The following TENT2 variants were observed in gnomAD, a reference collection of about 807,000 sequenced individuals.
TENT2 encodes terminal nucleotidyltransferase 2.
Under a neutral mutation model 72.2 loss-of-function variants are expected in TENT2, and 44 were observed. The observed-to-expected ratio is 0.61, with a 90% confidence interval of 0.48 to 0.78. The LOEUF is 0.78. Among genes scored for constraint, TENT2 ranks in the 30% least tolerant of loss-of-function variants. The probability of loss-of-function intolerance (pLI) is 0.00; values close to 1 mark genes in which losing one functional copy is unlikely to be tolerated. For missense variants in TENT2, 541 were observed against 569.6 expected, an observed-to-expected ratio of 0.95 and a Z score of 0.51; for synonymous variants, 212 against 192.5, an observed-to-expected ratio of 1.10 and a Z score of -0.84.
At chr5:79,633,079 A>C (rs1776842948) in intron 4 of TENT2, among the ~76,000 whole-genome samples, 1 of 152,112 alleles carries the variant, frequency 6.6e-6, no homozygotes, top group Admixed American at 6.5e-5. Context: ...TAGGCATGAC[A>C]TTTTTCTAGT....
At chr5:79,662,083 ATCT>A (rs1217699416) in intron 11 of TENT2, among the ~76,000 whole-genome samples, 3 of 152,218 alleles carry the variant, frequency 2.0e-5, no homozygotes, top group Non-Finnish European at 2.9e-5. Context: ...GATTCACAGC[ATCT>A]TCACCAGGAG....
chr5:79,626,625 ATTT>A (rs564494148), intron 4 of TENT2, among the ~76,000 whole-genome samples: 2 of 134,452 alleles, frequency 1.5e-5, no homozygotes. Context: ...AATGTTTTTA[ATTT>A]TTTTTTTTTT....
At chr5:79,654,400 C>T (rs577745128) in intron 10 of TENT2, among the ~76,000 whole-genome samples, 2 of 151,756 alleles carry the variant, frequency 1.3e-5, no homozygotes, top group Non-Finnish European at 2.9e-5. Flanking sequence ...CATTGCACTC[C>T]AGCCTGGGCA....
intron 1 of TENT2, chr5:79,614,081 A>G (rs1182409915): frequency 1.4e-5 from 2 of 146,048 alleles, no homozygotes; most frequent in Admixed American, 6.8e-5. Context: ...AGAAATTACT[A>G]GGAATTAATC....
At chr5:79,668,798 C>G in intron 11 of TENT2, 94 bp from the exon 12 acceptor site, 1 of 1,401,754 alleles carries the variant, frequency 7.1e-7, no homozygotes, top group Non-Finnish European at 9.6e-7. Context: ...TTTCTTCTCT[C>G]TTTTTCAAAG....
intron 11 of TENT2, among the ~76,000 whole-genome samples, chr5:79,660,764 A>G (rs1313853043): frequency 6.6e-6 from 1 of 152,158 alleles, no homozygotes; most frequent in East Asian, 1.9e-4. Context: ...CTTTATGCTT[A>G]TTTAAAAAAC....
At position 79,636,772 on chromosome 5, in the gene TENT2, A is replaced by G. The variant is rs190749347; in HGVS notation, c.466-4079A>G. 9.2e-5 allele frequency among the ~76,000 whole-genome samples: 14 copies of G among 152,126 alleles called. No individual in the cohort carries two copies. The East Asian group carries it at 2.7e-3, about 29-fold the overall frequency. On this transcript the variant is annotated intron_variant, in intron 4 of 14. Coordinates refer to ENST00000453514, the MANE Select transcript of TENT2 (RefSeq NM_001114394.3). ...ATTTAGGTCTTTAGGTTCTCTCAAT[A>G]TTTTCTAGTTTTCAGTATACAAATC...
intron 8 of TENT2, among the ~76,000 whole-genome samples, chr5:79,646,475 CT>C (rs1376568655): frequency 6.6e-6 from 1 of 152,138 alleles, no homozygotes; most frequent in Non-Finnish European, 1.5e-5. Flanking sequence ...AACGTAGCTA[CT>C]ATGAATGATG....
intron 4 of TENT2, among the ~76,000 whole-genome samples, chr5:79,628,572 A>G (rs923176482): frequency 1.3e-5 from 2 of 152,210 alleles, no homozygotes; most frequent in African/African-American, 4.8e-5. Context: ...AATGTGTGGA[A>G]TAACTGAGTG....
At chr5:79,613,404 CAT>C (rs760951367) in intron 1 of TENT2, among the ~76,000 whole-genome samples, 36 of 152,270 alleles carry the variant, frequency 2.4e-4, no homozygotes, top group African/African-American at 7.5e-4. Flanking sequence ...CTAAATAACA[CAT>C]GTGCAGTGTA....
At chr5:79,626,152 A>G (rs1769576246) in intron 4 of TENT2, among the ~76,000 whole-genome samples, 1 of 150,836 alleles carries the variant, frequency 6.6e-6, no homozygotes, top group South Asian at 2.1e-4. Context: ...AAAAAACTTT[A>G]GAGATGAGGC....
intron 6 of TENT2, 67 bp from the exon 7 acceptor site, chr5:79,642,765 A>G: frequency 7.9e-7 from 1 of 1,259,404 alleles, no homozygotes; most frequent in South Asian, 1.3e-5. Context: ...TTGTTGAGAT[A>G]CTTTAGGAAA....
At chr5:79,679,810 A>C in intron 13 of TENT2, 140 bp downstream of exon 13, 1 of 472,684 alleles carries the variant, frequency 2.1e-6, no homozygotes. Flanking sequence ...TTTTAATTTT[A>C]AAAAGTCATT....
At chr5:79,621,381 A>G (rs1476598447) in intron 3 of TENT2, among the ~76,000 whole-genome samples, 2 of 152,216 alleles carry the variant, frequency 1.3e-5, no homozygotes, top group African/African-American at 2.4e-5. Flanking sequence ...AAAGTTTTAT[A>G]ATAATTCTAA....
At chr5:79,629,924 A>G (rs1398434129) in intron 4 of TENT2, among the ~76,000 whole-genome samples, 1 of 151,564 alleles carries the variant, frequency 6.6e-6, no homozygotes, top group African/African-American at 2.4e-5. Flanking sequence ...ACCTGAAGTC[A>G]GGAGTTCGAG....
At position 79,640,620 on chromosome 5, in the gene TENT2, CTG is replaced by C. The variant is rs1783715837; in HGVS notation, c.466-229_466-228del. On this transcript the variant is annotated intron_variant, in intron 4 of 14. Transcript: ENST00000453514. The stretch of plus-strand genomic sequence containing the variant: ...TATTTTTATTACGAAGTATCTGTGA[CTG>C]TACTTTTCTGTGACTTGTATATTTT... Among the ~76,000 whole-genome samples, 6 of 152,242 alleles carry C rather than the reference CTG, an allele frequency of 3.9e-5. No individual in the cohort carries two copies. In the East Asian group the frequency reaches 1.2e-3, roughly 29 times the overall value.
intron 7 of TENT2, chr5:79,644,725 C>T (rs190791774): frequency 5.0e-4 from 77 of 155,444 alleles, no homozygotes; most frequent in African/African-American, 6.5e-4. Flanking sequence ...ATCCAAGCCC[C>T]GTGTATCATG....
chr5:79,619,496 C>A, intron 1 of TENT2, 116 bp from the exon 2 acceptor site: 1 of 715,340 alleles, frequency 1.4e-6, no homozygotes, highest in Non-Finnish European at 2.1e-6. Context: ...TTTAACTTTG[C>A]AAATAAAATT....
chr5:79,654,527 T>C (rs1008010841), intron 10 of TENT2, among the ~76,000 whole-genome samples: 2 of 152,138 alleles, frequency 1.3e-5, no homozygotes, highest in African/African-American at 4.8e-5. Flanking sequence ...TTCCTAGGCA[T>C]ACAGAGCTTT....
Sources: gnomAD v4.1 joint callset for allele counts (sites outside exome capture counted in the v4.1 genomes callset) on GRCh38, gnomAD v4.1.1 for gene constraint, MANE v1.5 for transcripts, NCBI Gene and HGNC (gene_info 2026-07-23, HGNC 2026-07-21) for gene names.